SEMA5A: variants seen among roughly 807,000 people sequenced by gnomAD.
SEMA5A encodes the protein semaphorin 5A, also known as semaphorin-5A.
A neutral mutation model predicts 135.5 loss-of-function variants in SEMA5A; 55 were observed. The ratio of observed to expected loss-of-function variants is 0.41; its 90% CI spans 0.33 to 0.51. The LOEUF is 0.51. Ranked by LOEUF, SEMA5A falls within the 20% of genes least tolerant of loss-of-function variation. The pLI, the probability that SEMA5A is intolerant of heterozygous loss-of-function variation, is 0.37. For missense variants in SEMA5A, 1,290 were observed against 1,419.9 expected (o/e 0.91, Z 1.47); for synonymous variants, 580 against 546.5 (o/e 1.06, Z -0.85).
chr5:9,256,231 A>G (rs1749060815), intron 5 of SEMA5A, among the ~76,000 whole-genome samples: 1 of 152,180 alleles, frequency 6.6e-6, no homozygotes, highest in Admixed American at 6.5e-5. Context: ...CTTGCCATTT[A>G]GGTACCTAAA....
intron 1 of SEMA5A, among the ~76,000 whole-genome samples, chr5:9,495,722 C>T (rs1025912219): frequency 6.6e-6 from 1 of 152,164 alleles, no homozygotes; most frequent in African/African-American, 2.4e-5. Flanking sequence ...CAGAGCAAAC[C>T]CATTTTCTTT....
chr5:9,314,569 G>C (rs1320404697), intron 5 of SEMA5A, among the ~76,000 whole-genome samples: 1 of 151,814 alleles, frequency 6.6e-6, no homozygotes, highest in Admixed American at 6.6e-5. Flanking sequence ...TCTATCAGAC[G>C]GCACTGTTAT....
At chr5:9,372,428 TG>T (rs1755177195) in intron 3 of SEMA5A, among the ~76,000 whole-genome samples, 1 of 151,784 alleles carries the variant, frequency 6.6e-6, no homozygotes, top group Non-Finnish European at 1.5e-5. Flanking sequence ...GGGATATGTG[TG>T]GAACCATGGG....
At chr5:9,528,362 G>A (rs1279051784) in intron 1 of SEMA5A, among the ~76,000 whole-genome samples, 2 of 152,118 alleles carry the variant, frequency 1.3e-5, no homozygotes, top group Admixed American at 1.3e-4. Flanking sequence ...TATTTTTCTG[G>A]GTTCCTATTC....
intron 13 of SEMA5A, among the ~76,000 whole-genome samples, 191 bp from the exon 14 acceptor site, chr5:9,123,028 G>C (rs1232399278): frequency 6.6e-6 from 1 of 151,938 alleles, no homozygotes; most frequent in Admixed American, 6.6e-5. Context: ...GCCGAGACGG[G>C]CAGATCACGA....
intron 2 of SEMA5A, among the ~76,000 whole-genome samples, chr5:9,403,298 T>C (rs970897457): frequency 6.6e-6 from 1 of 152,240 alleles, no homozygotes; most frequent in African/African-American, 2.4e-5. Flanking sequence ...GACACTCTTT[T>C]AGTACAGTAC....
intron 4 of SEMA5A, among the ~76,000 whole-genome samples, chr5:9,326,690 G>A (rs558307899): frequency 6.6e-5 from 10 of 152,228 alleles, no homozygotes; most frequent in East Asian, 1.9e-4. Flanking sequence ...GCTGAGGCAC[G>A]AGAATCCCTG....
At chr5:9,098,986 T>C (rs1416014654) in intron 16 of SEMA5A, among the ~76,000 whole-genome samples, 1 of 152,306 alleles carries the variant, frequency 6.6e-6, no homozygotes, top group Non-Finnish European at 1.5e-5. Flanking sequence ...TTTTAAAAAC[T>C]ATAGAAATGT....
chr5:9,083,739 G>A (rs2150109018), intron 16 of SEMA5A, among the ~76,000 whole-genome samples: 1 of 152,284 alleles, frequency 6.6e-6, no homozygotes, highest in South Asian at 2.1e-4. Flanking sequence ...GAAGTTTAAG[G>A]AAGACATGTG....
At chr5:9,212,947 T>C (rs1746418421) in intron 8 of SEMA5A, among the ~76,000 whole-genome samples, 1 of 152,188 alleles carries the variant, frequency 6.6e-6, no homozygotes, top group South Asian at 2.1e-4. Context: ...AACCAACATT[T>C]CTTTCTCACA....
intron 11 of SEMA5A, among the ~76,000 whole-genome samples, chr5:9,156,104 G>A (rs1352702442): frequency 4.6e-5 from 7 of 152,220 alleles, no homozygotes; most frequent in Non-Finnish European, 1.5e-5. Flanking sequence ...GAGGACAAAA[G>A]AGAGAACGAG....
intron 8 of SEMA5A, among the ~76,000 whole-genome samples, chr5:9,218,879 C>A (rs538234864): frequency 4.6e-5 from 7 of 152,344 alleles, no homozygotes; most frequent in African/African-American, 1.7e-4. Context: ...ATTCAGTCAA[C>A]AAACATGTAT....
chr5:9,218,631 A>T (rs1301712872), intron 8 of SEMA5A, among the ~76,000 whole-genome samples: 6 of 152,126 alleles, frequency 3.9e-5, no homozygotes, highest in African/African-American at 1.2e-4. Flanking sequence ...CAACACAAAA[A>T]TGTTGCAAAA....
At chr5:9,248,345 G>A (rs1748583604) in intron 5 of SEMA5A, among the ~76,000 whole-genome samples, 1 of 152,034 alleles carries the variant, frequency 6.6e-6, no homozygotes. Context: ...TGATTAGCCA[G>A]GGTTGGCAAC....
intron 12 of SEMA5A, among the ~76,000 whole-genome samples, chr5:9,150,771 G>A (rs528392509): frequency 1.9e-4 from 29 of 152,288 alleles, no homozygotes; most frequent in African/African-American, 7.0e-4. Context: ...GCTTGATCCA[G>A]TCTGATGGCA....
At chr5:9,445,960 C>A (rs1449594274) in intron 1 of SEMA5A, among the ~76,000 whole-genome samples, 1 of 152,218 alleles carries the variant, frequency 6.6e-6, no homozygotes, top group African/African-American at 2.4e-5. Flanking sequence ...TTGGAGCCTT[C>A]ATGCCCAGAT....
chr5:9,396,466 G>A (rs751711591), intron 2 of SEMA5A, among the ~76,000 whole-genome samples: 26 of 151,986 alleles, frequency 1.7e-4, no homozygotes, highest in African/African-American at 9.7e-5. Flanking sequence ...TAGCATATTC[G>A]TAAAGACAGC....
intron 1 of SEMA5A, among the ~76,000 whole-genome samples, chr5:9,536,627 A>G (rs945305881): frequency 3.3e-5 from 5 of 151,602 alleles, no homozygotes; most frequent in African/African-American, 1.2e-4. Context: ...AAGAAAAAAA[A>G]AAAAAGACAG....
In SEMA5A at chr5:9,182,150, C is replaced by CCCCT. The variant is rs1744552140; in HGVS notation, c.1273+8116_1273+8117insAGGG. Among the ~76,000 whole-genome samples the CCCCT allele has an allele frequency of 1.9e-5, 2 of 107,166 alleles. 1 individual carries two copies. The highest frequency in any genetic ancestry group is 5.6e-4 in the South Asian group (2 of 3,550). 70.3% of individuals were successfully genotyped at this position (107,166 alleles called of 152,430 possible). A position where few individuals can be genotyped will look rare whatever the true frequency, so the allele number is the denominator to read the frequency against. On this transcript the variant is annotated intron_variant, in intron 11 of 22. Coordinates refer to ENST00000382496, the MANE Select transcript of SEMA5A (RefSeq NM_003966.3). The stretch of plus-strand genomic sequence containing the variant: ...GCAACTGCTTGTTTTATTGCTTCTG[C>CCCCT]CCCCCACCCCAAAAAAAAATACGCT...
Sources: gnomAD v4.1 joint callset for allele counts (sites outside exome capture counted in the v4.1 genomes callset) on GRCh38, gnomAD v4.1.1 for gene constraint, MANE v1.5 for transcripts, NCBI Gene and HGNC (gene_info 2026-07-23, HGNC 2026-07-21) for gene names.